VAMP4: variants seen among roughly 807,000 people sequenced by gnomAD.
VAMP4 encodes the protein vesicle associated membrane protein 4.
Under a neutral mutation model 23.5 loss-of-function variants are expected in VAMP4, and 19 were observed. That is an observed-to-expected ratio of 0.81 (90% CI 0.56 to 1.19). VAMP4 has a LOEUF of 1.19. Among genes scored for constraint, VAMP4 ranks in the 50% most tolerant of loss-of-function variants. VAMP4 has a pLI of 0.00. For missense variants in VAMP4, 145 were observed against 168.6 expected (o/e 0.86, Z 0.78); for synonymous variants, 31 against 51.0 (o/e 0.61, Z 1.67).
intron 6 of VAMP4, among the ~76,000 whole-genome samples, chr1:171,706,765 G>A (rs1654668773): frequency 6.6e-6 from 1 of 152,124 alleles, no homozygotes; most frequent in Non-Finnish European, 1.5e-5. Flanking sequence ...ATCATATCTT[G>A]ACACTTGAAC....
At chr1:171,722,864 A>G (rs1188310909) in intron 3 of VAMP4, among the ~76,000 whole-genome samples, 1 of 152,164 alleles carries the variant, frequency 6.6e-6, no homozygotes, top group Non-Finnish European at 1.5e-5. Flanking sequence ...TCAGGGATCT[A>G]GAACTAGAAA....
chr1:171,703,451 A>ATATATG lies in VAMP4; in HGVS notation c.*1054_*1055insCATATA, dbSNP rs59879055. 6.7e-3 allele frequency: 766 copies of ATATATG among 113,538 alleles called. 22 individuals carry two copies. Among genetic ancestry groups the ATATATG allele is most frequent in the African/African-American group, 0.025 (721 of 28,980 alleles). 7.0% of individuals were successfully genotyped at this position (113,538 alleles called of 1,614,324 possible). A position where few individuals can be genotyped will look rare whatever the true frequency, so the allele number is the denominator to read the frequency against. ...TATATATATATATATATATATATAT[A>ATATATG]TATATATATATATATATACACATAG... On this transcript the variant is annotated 3_prime_UTR_variant, in exon 8 of 8. Transcript: ENST00000236192.
chr1:171,714,773 GA>G lies in VAMP4; in HGVS notation c.165-3960del, dbSNP rs890495430. ...GACAAGAGTGAGAACCTGTGTCTAA[GA>G]AAAAAAAAGTTATTATTATGCTATT... On this transcript the variant is annotated intron_variant, in intron 4 of 7. Coordinates refer to ENST00000236192, the MANE Select transcript of VAMP4 (RefSeq NM_003762.5). Among the ~76,000 whole-genome samples the G allele has an allele frequency of 1.1e-4, 17 of 151,018 alleles. 1 individual carries two copies. The South Asian group carries it at 2.9e-3, about 26-fold the overall frequency.
chr1:171,726,944 A>C (rs1291047116), intron 3 of VAMP4, among the ~76,000 whole-genome samples: 1 of 152,056 alleles, frequency 6.6e-6, no homozygotes, highest in Non-Finnish European at 1.5e-5. Context: ...ATATATAAAA[A>C]CTCTTGGCCA....
At chr1:171,708,906 T>A (rs1654758252) in intron 6 of VAMP4, among the ~76,000 whole-genome samples, 2 of 149,306 alleles carry the variant, frequency 1.3e-5, no homozygotes, top group Admixed American at 6.7e-5. Context: ...GGAGAGTTAT[T>A]GCTAAACTTG....
At chr1:171,729,538 A>G (rs1655491851) in intron 2 of VAMP4, among the ~76,000 whole-genome samples, 1 of 152,232 alleles carries the variant, frequency 6.6e-6, no homozygotes. Flanking sequence ...CTGGTACTTA[A>G]AAAAGTTTCA....
chr1:171,733,268 G>GGCAA (rs1439070027), intron 2 of VAMP4, among the ~76,000 whole-genome samples: 3 of 138,486 alleles, frequency 2.2e-5, no homozygotes, highest in African/African-American at 8.5e-5. Context: ...AACCAGCCTG[G>GGCAA]GCAATACGGT....
chr1:171,711,978 ATGCTGTACGGGTT>A (rs1654861631), intron 4 of VAMP4, among the ~76,000 whole-genome samples: 1 of 152,144 alleles, frequency 6.6e-6, no homozygotes, highest in African/African-American at 2.4e-5. Context: ...GTGCAGTCAC[ATGCTGTACGGGTT>A]TGTAGCTTAG....
intron 2 of VAMP4, among the ~76,000 whole-genome samples, chr1:171,733,598 CA>C (rs1418879034): frequency 6.6e-6 from 1 of 152,056 alleles, no homozygotes; most frequent in Non-Finnish European, 1.5e-5. Flanking sequence ...TGAATAAACA[CA>C]AGTGCTAGGG....
At chr1:171,713,190 G>A (rs1654908044) in intron 4 of VAMP4, among the ~76,000 whole-genome samples, 1 of 152,028 alleles carries the variant, frequency 6.6e-6, no homozygotes, top group Admixed American at 6.5e-5. Context: ...AGCTACTTGA[G>A]GAGGAGATAT....
chr1:171,710,216 A>C (rs1303247946), intron 5 of VAMP4, among the ~76,000 whole-genome samples: 1 of 147,144 alleles, frequency 6.8e-6, no homozygotes, highest in East Asian at 2.0e-4. Flanking sequence ...AGTCTGTCAA[A>C]GATTAATCAG....
Position 171,700,475 on chromosome 1 carries a change from T to C in VAMP4, c.*4031A>G, listed in dbSNP as rs528188544. 9.8e-5 allele frequency: 15 copies of C among 152,364 alleles called. 1 individual carries two copies. The South Asian group carries it at 3.1e-3, about 32-fold the overall frequency. The allele number at this position is 152,364 out of a possible 1,614,324, so 9.4% of individuals were successfully genotyped here. A position where few individuals can be genotyped will look rare whatever the true frequency, so the allele number is the denominator to read the frequency against. On this transcript the variant is annotated 3_prime_UTR_variant, in exon 8 of 8. Transcript: ENST00000236192. Reference sequence around the variant, plus strand: ...ATTTCTAACATTTTACTGACTAAAATCTCTGCTAATTATGTAATCTACTTT... The same window carrying C: ...ATTTCTAACATTTTACTGACTAAAACCTCTGCTAATTATGTAATCTACTTT...
At position 171,703,444 on chromosome 1, in the gene VAMP4, T is replaced by TAC. The variant is rs1654533263; in HGVS notation, c.*1061_*1062insGT. ...TTGTGTGTATATATATATATATATA[T>TAC]ATATATATATATATATATATATATA... is the stretch of plus-strand genomic sequence containing the variant. On this transcript the variant is annotated 3_prime_UTR_variant, in exon 8 of 8. Transcript: ENST00000236192. 3 of 85,482 alleles carry TAC rather than the reference T, an allele frequency of 3.5e-5. No individual in the cohort carries two copies. The highest frequency in any genetic ancestry group is 1.3e-4 in the African/African-American group (3 of 23,874). The allele number at this position is 85,482 out of a possible 1,614,324, so 5.3% of individuals were successfully genotyped here.
At chr1:171,740,324 A>C (rs1655886432) in intron 1 of VAMP4, among the ~76,000 whole-genome samples, 1 of 152,258 alleles carries the variant, frequency 6.6e-6, no homozygotes, top group Non-Finnish European at 1.5e-5. Context: ...AGAAACACTT[A>C]GACCTTTAAA....
intron 2 of VAMP4, among the ~76,000 whole-genome samples, chr1:171,732,297 G>A (rs962358283): frequency 6.6e-5 from 10 of 151,416 alleles, no homozygotes; most frequent in Non-Finnish European, 1.3e-4. Context: ...AAAGTGGGGG[G>A]ATCACTTGAG....
At chr1:171,738,516 T>C (rs556572745) in intron 1 of VAMP4, 53 bp from the exon 2 acceptor site, 15 of 1,198,726 alleles carry the variant, frequency 1.3e-5, no homozygotes, top group Middle Eastern at 2.7e-4. Context: ...CATAAGCTAA[T>C]GTACTTAAAA....
intron 6 of VAMP4, among the ~76,000 whole-genome samples, chr1:171,707,457 T>G (rs539667637): frequency 1.3e-5 from 2 of 152,274 alleles, no homozygotes; most frequent in African/African-American, 4.8e-5. Context: ...GACATCCCCC[T>G]TAGCCACTGG....
In VAMP4 at chr1:171,742,000, G is replaced by A. The variant is rs1300714196; in HGVS notation, c.-140C>T. On this transcript the variant is annotated 5_prime_UTR_variant, in exon 1 of 8. Transcript: ENST00000236192. ...AGTAGGAAGCCGAGGTAAGAAGCTG[G>A]GAGGGGGAGACAGTTGGTGCGGACC... is the stretch of plus-strand genomic sequence containing the variant. 1 of 152,222 alleles carries A rather than the reference G, an allele frequency of 6.6e-6. No individual in the cohort carries two copies. The highest frequency in any genetic ancestry group is 1.5e-5 in the Non-Finnish European group (1 of 68,022). The allele number at this position is 152,222 out of a possible 1,614,324, so 9.4% of individuals were successfully genotyped here.
In VAMP4 at chr1:171,707,726, T is replaced by A. The variant is rs140360609; in HGVS notation, c.346-1308A>T. Among the ~76,000 whole-genome samples, 303 of 152,288 alleles carry A rather than the reference T, an allele frequency of 2.0e-3. 2 individuals are homozygous for A. The highest frequency in any genetic ancestry group is 7.0e-3 in the African/African-American group (291 of 41,562). Reference sequence around the variant, plus strand: ...ATTTTCATTACATGGTCGATGCTATTCATGGTCCCCAGAGGTTCTCAAGGT... The same window carrying A: ...ATTTTCATTACATGGTCGATGCTATACATGGTCCCCAGAGGTTCTCAAGGT... On this transcript the variant is annotated intron_variant, in intron 6 of 7. Transcript: ENST00000236192.
Sources: gnomAD v4.1 joint callset for allele counts (sites outside exome capture counted in the v4.1 genomes callset) on GRCh38, gnomAD v4.1.1 for gene constraint, MANE v1.5 for transcripts, NCBI Gene and HGNC (gene_info 2026-07-23, HGNC 2026-07-21) for gene names.